The following GULP1 variants were observed in gnomAD, a reference collection of about 807,000 sequenced individuals.
GULP1 encodes PTB domain-containing engulfment adapter protein 1.
A neutral mutation model predicts 40.9 loss-of-function variants in GULP1; 19 were observed. The ratio of observed to expected loss-of-function variants is 0.46; its 90% CI spans 0.32 to 0.68. The LOEUF (loss-of-function observed/expected upper bound fraction) is 0.68, where lower values mean the gene tolerates loss of function less well. Among genes scored for constraint, GULP1 ranks in the 30% least tolerant of loss-of-function variants. GULP1 has a pLI of 0.03. For synonymous variants in GULP1, 119 were observed against 117.6 expected, an observed-to-expected ratio of 1.01 and a Z score of -0.08; for missense variants, 312 against 362.2, an observed-to-expected ratio of 0.86 and a Z score of 1.12.
At chr2:188,348,175 A>G (rs2043955243) in intron 1 of GULP1, among the ~76,000 whole-genome samples, 1 of 152,232 alleles carries the variant, frequency 6.6e-6, no homozygotes, top group African/African-American at 2.4e-5. Context: ...AATTGATATA[A>G]TAGGAGATAT....
At chr2:188,511,246 C>T (rs1236279071) in intron 4 of GULP1, among the ~76,000 whole-genome samples, 1 of 152,066 alleles carries the variant, frequency 6.6e-6, no homozygotes, top group Non-Finnish European at 1.5e-5. Context: ...TAACATAAAT[C>T]TGAACTAGCT....
chr2:188,331,759 G>A (rs1043619720), intron 1 of GULP1, among the ~76,000 whole-genome samples: 4 of 151,906 alleles, frequency 2.6e-5, no homozygotes, highest in African/African-American at 9.7e-5. Context: ...CTGATTGTTG[G>A]GAAAATGGAC....
At chr2:188,326,328 A>G (rs1353902801) in intron 1 of GULP1, among the ~76,000 whole-genome samples, 1 of 152,160 alleles carries the variant, frequency 6.6e-6, no homozygotes, top group Non-Finnish European at 1.5e-5. Flanking sequence ...TTGATACTTT[A>G]CTATCTTTAA....
intron 9 of GULP1, chr2:188,582,203 T>C (rs1701462855): frequency 2.8e-6 from 1 of 358,154 alleles, no homozygotes; most frequent in Non-Finnish European, 5.6e-6. Context: ...CTCTATGTTT[T>C]AATTTTAGAA....
rs576220513 is a variant in GULP1 at position 188,558,153 on chromosome 2, A to G, written c.400-11086A>G. On this transcript the variant is annotated intron_variant, in intron 7 of 11. Coordinates refer to ENST00000409830, the MANE Select transcript of GULP1 (RefSeq NM_016315.4). ...AAAATGGGCTCCTCTTTTCTACCAC[A>G]TGGCCAGTGATACGGTTTGGCTCTG... is the stretch of plus-strand genomic sequence containing the variant. 3.3e-5 allele frequency among the ~76,000 whole-genome samples: 5 copies of G among 152,006 alleles called. No homozygotes were observed. The South Asian group carries it at 1.0e-3, about 32-fold the overall frequency.
chr2:188,299,614 T>C (rs1366044768), intron 1 of GULP1, among the ~76,000 whole-genome samples: 2 of 152,252 alleles, frequency 1.3e-5, no homozygotes, highest in African/African-American at 4.8e-5. Context: ...ACTTATCAAA[T>C]AACACTTGTT....
chr2:188,347,613 C>CTTTT (rs2043859392), intron 1 of GULP1, among the ~76,000 whole-genome samples: 2 of 100,394 alleles, frequency 2.0e-5, no homozygotes, highest in African/African-American at 3.6e-5. Context: ...TATCTCAAAG[C>CTTTT]ATTTTTTTTT....
At chr2:188,301,148 GA>G (rs1314343392) in intron 1 of GULP1, among the ~76,000 whole-genome samples, 2 of 152,154 alleles carry the variant, frequency 1.3e-5, no homozygotes, top group African/African-American at 4.8e-5. Context: ...CCAAGTAGCT[GA>G]AACTATAGGT....
rs1419722334 is a variant in GULP1, at chr2:188,320,371, C to T, written c.-172+28205C>T. Among the ~76,000 whole-genome samples, 4 of 152,250 alleles carry T rather than the reference C, an allele frequency of 2.6e-5. No homozygotes were observed. In the East Asian group the frequency reaches 5.8e-4, roughly 22 times the overall value. On this transcript the variant is annotated intron_variant, in intron 1 of 11. Transcript: ENST00000409830. ...TCCTTATGTGTACAATTGACTTTAA[C>T]GTCCTTGGCAGTAGGTATGTATTTG...
At chr2:188,487,863 G>T (rs746532491) in intron 4 of GULP1, among the ~76,000 whole-genome samples, 2 of 151,990 alleles carry the variant, frequency 1.3e-5, no homozygotes, top group Non-Finnish European at 2.9e-5. Context: ...TGCTGGCCCA[G>T]TGAGTTGTGT....
intron 2 of GULP1, among the ~76,000 whole-genome samples, chr2:188,430,412 G>A (rs974780605): frequency 6.6e-6 from 1 of 152,224 alleles, no homozygotes; most frequent in Admixed American, 6.5e-5. Flanking sequence ...AAGCTCCTTC[G>A]GATAACCAGA....
At position 188,562,006 on chromosome 2, in the gene GULP1, C is replaced by A. The variant is rs147784449; in HGVS notation, c.400-7233C>A. On this transcript the variant is annotated intron_variant, in intron 7 of 11. Coordinates refer to ENST00000409830, the MANE Select transcript of GULP1 (RefSeq NM_016315.4). ...ATGCCTTGCTTGTTTCTCAGCCCCACCCGTGGGAGCTTATTCCCAGGTCAT... is the reference window on the plus strand; with the variant it reads ...ATGCCTTGCTTGTTTCTCAGCCCCAACCGTGGGAGCTTATTCCCAGGTCAT... 1.4e-4 allele frequency among the ~76,000 whole-genome samples: 22 copies of A among 152,314 alleles called. No individual in the cohort carries two copies. In the South Asian group the frequency reaches 2.1e-3, roughly 14 times the overall value.
intron 2 of GULP1, chr2:188,466,420 G>C (rs1246958565): frequency 6.6e-6 from 1 of 150,978 alleles, no homozygotes; most frequent in Non-Finnish European, 1.5e-5. Flanking sequence ...TGGGACTACA[G>C]GCACCTGCCA....
At chr2:188,502,230 C>T (rs1355839954) in intron 4 of GULP1, among the ~76,000 whole-genome samples, 1 of 151,746 alleles carries the variant, frequency 6.6e-6, no homozygotes, top group Admixed American at 6.6e-5. Flanking sequence ...ATCTGATATC[C>T]ATGGAAGGTG....
intron 4 of GULP1, among the ~76,000 whole-genome samples, chr2:188,485,949 C>T (rs1357016651): frequency 1.3e-5 from 2 of 151,890 alleles, no homozygotes; most frequent in African/African-American, 2.4e-5. Flanking sequence ...AGATGTTAAT[C>T]GTATCTATGA....
chr2:188,569,474 A>G lies in GULP1; in HGVS notation c.516+119A>G. On this transcript the variant is annotated intron_variant, in intron 8 of 11. Transcript: ENST00000409830. The stretch of plus-strand genomic sequence containing the variant: ...ATTTCACCCACACTGACTGATTGGA[A>G]CTGCTTTCACCGTGTTCCCATAATT... 1.2e-5 allele frequency: 9 copies of G among 724,416 alleles called. No homozygotes were observed. The South Asian group carries it at 1.3e-4, about 11-fold the overall frequency. The allele number at this position is 724,416 out of a possible 1,614,324, so 44.9% of individuals were successfully genotyped here.
At chr2:188,382,065 GTTGCT>G (rs1236738283) in intron 1 of GULP1, among the ~76,000 whole-genome samples, 1 of 152,042 alleles carries the variant, frequency 6.6e-6, no homozygotes, top group African/African-American at 2.4e-5. Context: ...ATTTAAAATT[GTTGCT>G]TTTTGTAGTA....
chr2:188,595,115 A>G lies in GULP1; in HGVS notation c.*1104A>G, dbSNP rs1704249158. Reference sequence around the variant, plus strand: ...AGTTTAGTCTTGAACATGAGCAATAAAATTCTCTTGCATTTCATTATTGAT... The same window carrying G: ...AGTTTAGTCTTGAACATGAGCAATAGAATTCTCTTGCATTTCATTATTGAT... On this transcript the variant is annotated 3_prime_UTR_variant, in exon 12 of 12. Transcript: ENST00000409830. 6.6e-6 allele frequency: 1 copy of G among 151,538 alleles called. No individual in the cohort carries two copies. Among genetic ancestry groups the G allele is most frequent in the Non-Finnish European group, 1.5e-5 (1 of 67,688 alleles). The allele number at this position is 151,538 out of a possible 1,614,324, so 9.4% of individuals were successfully genotyped here. A position where few individuals can be genotyped will look rare whatever the true frequency, so the allele number is the denominator to read the frequency against.
intron 4 of GULP1, among the ~76,000 whole-genome samples, chr2:188,501,597 C>T (rs1047308798): frequency 2.6e-5 from 4 of 151,874 alleles, no homozygotes; most frequent in African/African-American, 4.8e-5. Flanking sequence ...GGTATGAGAC[C>T]TCTAAGACCT....
Sources: allele counts gnomAD v4.1 joint callset (sites outside exome capture counted in the v4.1 genomes callset), GRCh38; gene constraint gnomAD v4.1.1; transcripts MANE v1.5; gene names NCBI Gene and HGNC (gene_info 2026-07-23, HGNC 2026-07-21).